MBD2: variants seen among roughly 807,000 people sequenced by gnomAD.
MBD2 encodes methyl-CpG binding domain protein 2.
Under a neutral mutation model 39.3 loss-of-function variants are expected in MBD2, and 9 were observed. The observed-to-expected ratio is 0.23, with a 90% CI of 0.14 to 0.40. MBD2 has a LOEUF of 0.40. MBD2 is among the 10% of genes least tolerant of loss of function. The pLI is 1.00. For synonymous variants in MBD2, 233 were observed against 211.1 expected, an observed-to-expected ratio of 1.10 and a Z score of -0.90; for missense variants, 458 against 532.6, an observed-to-expected ratio of 0.86 and a Z score of 1.38.
intron 3 of MBD2, among the ~76,000 whole-genome samples, chr18:54,175,436 T>C (rs2086205219): frequency 6.6e-6 from 1 of 152,182 alleles, no homozygotes; most frequent in African/African-American, 2.4e-5. Flanking sequence ...CCTAAGGTTA[T>C]CCCACCACCT....
intron 2 of MBD2, among the ~76,000 whole-genome samples, chr18:54,192,295 C>T (rs555634168): frequency 2.0e-5 from 3 of 152,138 alleles, no homozygotes; most frequent in Admixed American, 6.5e-5. Context: ...TGCAGTGGCG[C>T]GATCTTGGCT....
At chr18:54,220,395 T>C (rs2086600519) in intron 1 of MBD2, among the ~76,000 whole-genome samples, 1 of 152,102 alleles carries the variant, frequency 6.6e-6, no homozygotes, top group Non-Finnish European at 1.5e-5. Context: ...TTGCGTTAAC[T>C]GGCAACTAGG....
chr18:54,189,122 G>T, intron 2 of MBD2, 111 bp from the exon 3 acceptor site: 1 of 658,780 alleles, frequency 1.5e-6, no homozygotes, highest in Non-Finnish European at 2.4e-6. Flanking sequence ...AAACTTCTCA[G>T]TCTATCGCAG....
intron 5 of MBD2, among the ~76,000 whole-genome samples, chr18:54,162,467 G>A (rs73481716): frequency 0.11 from 16,785 of 152,028 alleles, 1,115 homozygotes; most frequent in Non-Finnish European, 0.16. Context: ...CCTAATTTCC[G>A]TCATGACAAT....
chr18:54,163,381 C>T (rs1323058290), intron 5 of MBD2, among the ~76,000 whole-genome samples: 4 of 152,164 alleles, frequency 2.6e-5, no homozygotes, highest in Non-Finnish European at 5.9e-5. Flanking sequence ...AACTGATTTA[C>T]ATTCAGGGGA....
intron 3 of MBD2, among the ~76,000 whole-genome samples, chr18:54,184,905 T>A (rs1295279237): frequency 1.3e-5 from 2 of 152,222 alleles, no homozygotes; most frequent in Non-Finnish European, 2.9e-5. Flanking sequence ...CAGTCAATTT[T>A]TCTGTCCAGA....
intron 3 of MBD2, among the ~76,000 whole-genome samples, chr18:54,178,888 T>G (rs1429810695): frequency 2.6e-5 from 4 of 152,086 alleles, no homozygotes; most frequent in African/African-American, 9.7e-5. Flanking sequence ...CCACTAACTT[T>G]GAAAATTATA....
chr18:54,174,982 T>C (rs921286981), intron 3 of MBD2, among the ~76,000 whole-genome samples: 2 of 152,254 alleles, frequency 1.3e-5, no homozygotes, highest in African/African-American at 2.4e-5. Context: ...ATTTGGAACA[T>C]GTTAATTTCC....
chr18:54,181,011 G>A lies in MBD2; in HGVS notation c.840+7863C>T, dbSNP rs536620209. ...TCCTGGGTTCAAGCAATTCTCATGC[G>A]TCAGCTTCCCAAGCTGGGACTACAG... is the stretch of plus-strand genomic sequence containing the variant. On this transcript the variant is annotated intron_variant, in intron 3 of 6. Transcript: ENST00000256429. Among the ~76,000 whole-genome samples the A allele has an allele frequency of 7.0e-4, 103 of 146,946 alleles. 3 individuals carry two copies. In the South Asian group the frequency reaches 0.014, roughly 21 times the overall value.
chr18:54,172,265 T>C (rs889448562), intron 3 of MBD2, among the ~76,000 whole-genome samples: 13 of 152,156 alleles, frequency 8.5e-5, no homozygotes, highest in Non-Finnish European at 1.5e-4. Context: ...AAATAAAGAA[T>C]TGGTGTAACA....
intron 1 of MBD2, chr18:54,222,470 C>G (rs2086624010): frequency 4.7e-6 from 2 of 427,144 alleles, no homozygotes; most frequent in Non-Finnish European, 9.3e-6. Context: ...CAAACCAAGA[C>G]TATCACACTT....
intron 1 of MBD2, among the ~76,000 whole-genome samples, chr18:54,217,076 C>T (rs1302847879): frequency 2.0e-5 from 3 of 151,990 alleles, no homozygotes; most frequent in Non-Finnish European, 2.9e-5. Flanking sequence ...GCAACAAGAG[C>T]GAAACTCCGT....
At position 54,168,915 on chromosome 18, in the gene MBD2, C is replaced by A. The variant is rs185790286; in HGVS notation, c.841-2749G>T. On this transcript the variant is annotated intron_variant, in intron 3 of 6. Transcript: ENST00000256429. ...TTTCTGTACATCCATCTTCTCAGAT[C>A]CCTGTTTTATTTGTTTGGGCGGGGG... 3.1e-4 allele frequency among the ~76,000 whole-genome samples: 47 copies of A among 152,024 alleles called. 1 individual carries two copies. Among genetic ancestry groups the A allele is most frequent in the Middle Eastern group, 3.4e-3 (1 of 294 alleles).
intron 1 of MBD2, chr18:54,222,252 AACC>A: frequency 2.3e-6 from 1 of 428,336 alleles, no homozygotes; most frequent in Non-Finnish European, 4.7e-6. Flanking sequence ...ATCTTTTTTT[AACC>A]ACAATAACCT....
At chr18:54,205,427 A>G (rs1275434715) in intron 1 of MBD2, among the ~76,000 whole-genome samples, 1 of 151,766 alleles carries the variant, frequency 6.6e-6, no homozygotes, top group East Asian at 1.9e-4. Flanking sequence ...ATAAAAAAAT[A>G]AAAAATACAA....
At chr18:54,193,766 A>G (rs780447308) in intron 2 of MBD2, among the ~76,000 whole-genome samples, 1 of 152,180 alleles carries the variant, frequency 6.6e-6, no homozygotes, top group East Asian at 1.9e-4. Context: ...GAAACATTCA[A>G]TTACACAGAT....
At chr18:54,202,774 A>G in intron 2 of MBD2, 1 of 1,494,232 alleles carries the variant, frequency 6.7e-7, no homozygotes, top group Non-Finnish European at 8.9e-7. Context: ...ACATAAAGCA[A>G]TATTAAGTAC....
At chr18:54,206,524 G>T (rs933367933) in intron 1 of MBD2, among the ~76,000 whole-genome samples, 1 of 152,238 alleles carries the variant, frequency 6.6e-6, no homozygotes, top group African/African-American at 2.4e-5. Context: ...AAAGGAAAAA[G>T]GCTGAAAAAC....
At chr18:54,199,620 T>C (rs1467256128) in intron 2 of MBD2, among the ~76,000 whole-genome samples, 1 of 152,166 alleles carries the variant, frequency 6.6e-6, no homozygotes, top group African/African-American at 2.4e-5. Context: ...AAACTTGCCC[T>C]TATTCCCCTA....
Sources: gnomAD v4.1 joint callset for allele counts (sites outside exome capture counted in the v4.1 genomes callset) on GRCh38, gnomAD v4.1.1 for gene constraint, MANE v1.5 for transcripts, NCBI Gene and HGNC (gene_info 2026-07-23, HGNC 2026-07-21) for gene names.